AGBL3: variants seen among roughly 807,000 people sequenced by gnomAD.
AGBL3 encodes AGBL carboxypeptidase 3, also known as cytosolic carboxypeptidase 3.
AGBL3 carries 68 observed loss-of-function variants against 94.5 expected under a neutral mutation model. The ratio of observed to expected loss-of-function variants is 0.72; its 90% CI spans 0.59 to 0.88. The LOEUF is 0.88. Among genes scored for constraint, AGBL3 ranks in the 40% least tolerant of loss-of-function variants. The pLI, the probability that AGBL3 is intolerant of heterozygous loss-of-function variation, is 0.00. For synonymous variants in AGBL3, 354 were observed against 370.7 expected (o/e 0.95, Z 0.52); for missense variants, 934 against 1,103.8 (o/e 0.85, Z 2.18).
chr7:135,129,052 G>A (rs1285649986), intron 16 of AGBL3: 2 of 1,608,552 alleles, frequency 1.2e-6, no homozygotes, highest in Admixed American at 3.3e-5. Flanking sequence ...CAGGTTCAAT[G>A]CCTCAACTGC....
At chr7:135,016,069 A>T (rs565782666) in intron 4 of AGBL3, among the ~76,000 whole-genome samples, 2 of 151,886 alleles carry the variant, frequency 1.3e-5, no homozygotes, top group South Asian at 4.2e-4. Flanking sequence ...AAAAAAAATC[A>T]GCATACACCA....
At chr7:135,073,910 CTTCT>C (rs1460056228) in intron 12 of AGBL3, among the ~76,000 whole-genome samples, 1 of 152,124 alleles carries the variant, frequency 6.6e-6, no homozygotes, top group Non-Finnish European at 1.5e-5. Context: ...TTAGTTTTTA[CTTCT>C]TTCTTTGGAG....
rs1255171113 is a variant in AGBL3, at chr7:135,135,014, A to G, written c.2516A>G (p.Asn839Ser). 6.4e-7 allele frequency: 1 copy of G among 1,551,228 alleles called. No homozygotes were observed. Among genetic ancestry groups the G allele is most frequent in the Non-Finnish European group, 8.7e-7 (1 of 1,146,660 alleles). The change falls in exon 17 of 17, where the codon AAT becomes AGT. Residue 839 changes from asparagine (N) to serine (S), a missense_variant. Asn to Ser is a conservative substitution (Grantham distance 46). Around this residue, in one of 3 missense-constraint regions of AGBL3, gnomAD observed 441 missense variants for 518.2 expected, o/e 0.85. Coordinates refer to ENST00000436302, the MANE Select transcript of AGBL3 (RefSeq NM_178563.4). ...SLSPLKGPKK[N>S]KHSQIWAIKN... ...TCACCTCTCAAAGGCCCCAAGAAGA[A>G]TAAACATTCTCAAATCTGGGCCATA...
At chr7:135,061,084 C>T (rs1180694342) in intron 12 of AGBL3, among the ~76,000 whole-genome samples, 1 of 151,242 alleles carries the variant, frequency 6.6e-6, no homozygotes, top group African/African-American at 2.4e-5. Flanking sequence ...ATAACAGCCA[C>T]TCTAACAGGC....
At chr7:135,052,567 C>G (rs538537812) in intron 11 of AGBL3, among the ~76,000 whole-genome samples, 1 of 151,980 alleles carries the variant, frequency 6.6e-6, no homozygotes, top group East Asian at 1.9e-4. Flanking sequence ...CAACCCCTCT[C>G]CCCCACCTTC....
chr7:135,087,603 T>G (rs1821433288), intron 15 of AGBL3, among the ~76,000 whole-genome samples: 2 of 152,072 alleles, frequency 1.3e-5, no homozygotes, highest in African/African-American at 4.8e-5. Flanking sequence ...AGAAGTATGT[T>G]GTCTAATTTC....
intron 15 of AGBL3, among the ~76,000 whole-genome samples, chr7:135,108,707 GT>G (rs1825150617): frequency 6.6e-6 from 1 of 152,270 alleles, no homozygotes; most frequent in African/African-American, 2.4e-5. Context: ...TCTTGCAGGG[GT>G]TTCCTGTATT....
In AGBL3 at chr7:135,014,374, CAGA is replaced by C. The variant is rs538992801; in HGVS notation, c.311-2675_311-2673del. 2.6e-3 allele frequency among the ~76,000 whole-genome samples: 389 copies of C among 151,602 alleles called. 2 individuals carry two copies. The highest frequency in any genetic ancestry group is 8.8e-3 in the African/African-American group (363 of 41,024). ...CATTCCAAGTTAAACACCTTTAATTCAGAAGGTGTTTTCTGGGATTTTCTATGG... is the reference window on the plus strand; with the variant it reads ...CATTCCAAGTTAAACACCTTTAATTCAGGTGTTTTCTGGGATTTTCTATGG... On this transcript the variant is annotated intron_variant, in intron 4 of 16. Coordinates refer to ENST00000436302, the MANE Select transcript of AGBL3 (RefSeq NM_178563.4).
intron 13 of AGBL3, 43 bp from the exon 14 acceptor site, chr7:135,080,159 GT>G: frequency 7.2e-7 from 1 of 1,385,378 alleles, no homozygotes; most frequent in Non-Finnish European, 1.0e-6. Context: ...CCCATTTCAT[GT>G]TGATAAAATA....
intron 16 of AGBL3, among the ~76,000 whole-genome samples, chr7:135,116,106 A>G (rs914808340): frequency 6.6e-6 from 1 of 152,216 alleles, no homozygotes; most frequent in Non-Finnish European, 1.5e-5. Context: ...TGAAAATAAT[A>G]AATACAATAC....
chr7:135,093,550 A>G (rs1822184289), intron 15 of AGBL3: 1 of 152,214 alleles, frequency 6.6e-6, no homozygotes, highest in African/African-American at 2.4e-5. Flanking sequence ...TAAATTTTAC[A>G]AAAGAAGTAC....
At chr7:135,127,137 T>G (rs1030391569) in intron 16 of AGBL3, among the ~76,000 whole-genome samples, 1 of 151,814 alleles carries the variant, frequency 6.6e-6, no homozygotes, top group African/African-American at 2.4e-5. Flanking sequence ...AGGTCTAATA[T>G]CCAGAATTTA....
chr7:135,094,863 A>C (rs1009468366), intron 15 of AGBL3, among the ~76,000 whole-genome samples: 7 of 152,224 alleles, frequency 4.6e-5, no homozygotes, highest in African/African-American at 1.7e-4. Context: ...GGCTTTAATC[A>C]TTAGTAGAAT....
intron 16 of AGBL3, among the ~76,000 whole-genome samples, chr7:135,130,380 A>C (rs1185824187): frequency 6.6e-6 from 1 of 152,128 alleles, no homozygotes; most frequent in Non-Finnish European, 1.5e-5. Context: ...TTTCAGGGCA[A>C]ATCTAGAATT....
chr7:135,106,749 C>A (rs967511461), intron 15 of AGBL3, among the ~76,000 whole-genome samples: 26 of 152,188 alleles, frequency 1.7e-4, no homozygotes, highest in Admixed American at 4.6e-4. Flanking sequence ...GGGAGGAGTC[C>A]CTCCTCCTCA....
intron 16 of AGBL3, chr7:135,115,845 T>C (rs1280624758): frequency 2.3e-6 from 1 of 431,104 alleles, no homozygotes; most frequent in African/African-American, 2.0e-5. Context: ...CTCATTAATT[T>C]AGATCTATTA....
chr7:135,026,492 C>T (rs1453889286), intron 5 of AGBL3, among the ~76,000 whole-genome samples: 1 of 151,266 alleles, frequency 6.6e-6, no homozygotes, highest in Non-Finnish European at 1.5e-5. Context: ...CCAGGGTGGT[C>T]TCGAACTCCT....
At chr7:134,989,375 G>C in intron 3 of AGBL3, 65 bp downstream of exon 3, 3 of 1,151,844 alleles carry the variant, frequency 2.6e-6, no homozygotes, top group Non-Finnish European at 3.7e-6. Flanking sequence ...AAGAAGATGA[G>C]GAAACTAAAA....
At chr7:134,987,210 G>A (rs1282240922) in intron 1 of AGBL3, among the ~76,000 whole-genome samples, 3 of 152,216 alleles carry the variant, frequency 2.0e-5, no homozygotes, top group East Asian at 1.9e-4. Flanking sequence ...GTAGAGAGGG[G>A]CGTAAACTAA....
Sources: allele counts gnomAD v4.1 joint callset (sites outside exome capture counted in the v4.1 genomes callset), GRCh38; gene constraint gnomAD v4.1.1; regional missense constraint gnomAD v4.1.1; transcripts MANE v1.5; gene names NCBI Gene and HGNC (gene_info 2026-07-23, HGNC 2026-07-21).